Variants in AHI1 observed in about 807,000 individuals in gnomAD.
AHI1 encodes the protein Abelson helper integration site 1.
Under a neutral mutation model 149.3 loss-of-function variants are expected in AHI1, and 123 were observed. The observed-to-expected ratio is 0.82, with a 90% confidence interval of 0.71 to 0.96. The LOEUF (loss-of-function observed/expected upper bound fraction) is 0.96, where lower values mean the gene tolerates loss of function less well. Among genes scored for constraint, AHI1 ranks in the 40% least tolerant of loss-of-function variants. The pLI, the probability that AHI1 is intolerant of heterozygous loss-of-function variation, is 0.00. For missense variants in AHI1, 1,439 were observed against 1,422.7 expected (o/e 1.01, Z -0.18); for synonymous variants, 475 against 459.8 (o/e 1.03, Z -0.42).
At chr6:135,285,684 T>C (rs1162007689) in intron 28 of AHI1, 37 bp from the exon 29 acceptor site, 1 of 1,554,976 alleles carries the variant, frequency 6.4e-7, no homozygotes, top group Non-Finnish European at 8.8e-7. Flanking sequence ...CTAAATAAAC[T>C]TGAATAATGT....
At chr6:135,406,893 G>A (rs1175837090) in intron 21 of AHI1, among the ~76,000 whole-genome samples, 1 of 152,112 alleles carries the variant, frequency 6.6e-6, no homozygotes, top group African/African-American at 2.4e-5. Context: ...AGATACTACA[G>A]ATTCTGAGCA....
At position 135,302,058 on chromosome 6, in the gene AHI1, C is replaced by T. The variant is rs928608388; in HGVS notation, c.3427-1500G>A. Reference sequence around the variant, plus strand: ...TCAGGCTGGAGTACAGTGGCATGATCGTAGCTCACTGCAGCCTTGAACTCC... The same window carrying T: ...TCAGGCTGGAGTACAGTGGCATGATTGTAGCTCACTGCAGCCTTGAACTCC... On this transcript the variant is annotated intron_variant, in intron 26 of 28. Transcript: ENST00000265602. The T allele has an allele frequency of 4.5e-5, 43 of 965,022 alleles. No individual in the cohort carries two copies. In the South Asian group the frequency reaches 4.8e-4, roughly 11 times the overall value. The allele number at this position is 965,022 out of a possible 1,614,324, so 59.8% of individuals were successfully genotyped here.
chr6:135,447,087 T>G lies in AHI1; in HGVS notation c.1700A>C (p.His567Pro), dbSNP rs569064380. The change falls in exon 13 of 29, where the codon CAT becomes CCT. Residue 567 changes from histidine to proline, a missense_variant. Transcript: ENST00000265602. ...TTCTGTGTCTACTGAGCTTGACTCA[T>G]GGTGACGTTCACAATGCACTGGTTT... ...KGKPVHCERH[H>P]ESSSVDTEPG... is the part of the protein sequence containing the mutation. 1 of 1,604,566 alleles carries G rather than the reference T, an allele frequency of 6.2e-7. No homozygotes were observed. The highest frequency in any genetic ancestry group is 8.5e-7 in the Non-Finnish European group (1 of 1,174,462).
chr6:135,357,214 G>T (rs1204066290), intron 24 of AHI1, among the ~76,000 whole-genome samples: 1 of 152,238 alleles, frequency 6.6e-6, no homozygotes, highest in African/African-American at 2.4e-5. Context: ...TGGGATTACA[G>T]GCGTGAGCCA....
chr6:135,290,260 C>T (rs765186773), intron 28 of AHI1, among the ~76,000 whole-genome samples, 163 bp downstream of exon 28: 1 of 152,160 alleles, frequency 6.6e-6, no homozygotes, highest in African/African-American at 2.4e-5. Context: ...TCAAAACTAT[C>T]TTCTCCAAGG....
chr6:135,417,612 C>G (rs1782565851), intron 20 of AHI1, among the ~76,000 whole-genome samples: 1 of 151,878 alleles, frequency 6.6e-6, no homozygotes, highest in Non-Finnish European at 1.5e-5. Flanking sequence ...GCGGATAACA[C>G]AAATAAATAC....
chr6:135,320,454 A>C (rs1267985082), intron 25 of AHI1, among the ~76,000 whole-genome samples: 1 of 152,128 alleles, frequency 6.6e-6, no homozygotes, highest in Non-Finnish European at 1.5e-5. Flanking sequence ...ATTAGCTTTT[A>C]AAAAAAATTT....
At chr6:135,351,006 T>C (rs553045103) in intron 24 of AHI1, among the ~76,000 whole-genome samples, 17 of 152,266 alleles carry the variant, frequency 1.1e-4, no homozygotes, top group African/African-American at 3.1e-4. Context: ...AAGGTGATCA[T>C]ATATTTAGGG....
At chr6:135,334,847 C>T (rs1374324503) in intron 24 of AHI1, among the ~76,000 whole-genome samples, 3 of 152,174 alleles carry the variant, frequency 2.0e-5, no homozygotes, top group Non-Finnish European at 4.4e-5. Context: ...GCAGCAACAT[C>T]ACCTGGAAAC....
At chr6:135,442,395 G>A (rs1281902371) in intron 14 of AHI1, among the ~76,000 whole-genome samples, 187 bp downstream of exon 14, 2 of 151,826 alleles carry the variant, frequency 1.3e-5, no homozygotes, top group African/African-American at 4.8e-5. Flanking sequence ...TTCTACTTAC[G>A]AACAGTTACT....
chr6:135,289,203 G>T (rs928768593), intron 28 of AHI1, among the ~76,000 whole-genome samples: 4 of 151,014 alleles, frequency 2.6e-5, no homozygotes, highest in Non-Finnish European at 5.9e-5. Context: ...TTTGTTAAGG[G>T]TATTACTCCT....
rs547595418 is a variant in AHI1 at position 135,410,303 on chromosome 6, G to C, written c.2961+1045C>G. 1.5e-4 allele frequency among the ~76,000 whole-genome samples: 23 copies of C among 152,250 alleles called. No individual in the cohort carries two copies. In the South Asian group the frequency reaches 4.8e-3, roughly 32 times the overall value. Reference sequence around the variant, plus strand: ...GAGAATTGCTTGAGCCCAGGCGTTCGAGACTGCAGTGAGCAATGATCACAC... The same window carrying C: ...GAGAATTGCTTGAGCCCAGGCGTTCCAGACTGCAGTGAGCAATGATCACAC... On this transcript the variant is annotated intron_variant, in intron 21 of 28. Transcript: ENST00000265602.
chr6:135,320,574 A>G (rs542086593), intron 25 of AHI1, among the ~76,000 whole-genome samples: 65 of 152,320 alleles, frequency 4.3e-4, no homozygotes, highest in African/African-American at 1.3e-3. Context: ...TACAGGTATG[A>G]GCTGCTGCAT....
intron 14 of AHI1, 40 bp downstream of exon 14, chr6:135,442,542 T>C (rs1786471918): frequency 6.4e-7 from 1 of 1,556,084 alleles, no homozygotes; most frequent in Non-Finnish European, 8.7e-7. Context: ...GTCCTCCACG[T>C]GGACTACAAT....
At chr6:135,465,556 T>C (rs1261749623) in intron 7 of AHI1, among the ~76,000 whole-genome samples, 1 of 152,192 alleles carries the variant, frequency 6.6e-6, no homozygotes, top group East Asian at 1.9e-4. Context: ...GTTCTGTACT[T>C]CCATTTCCTC....
intron 26 of AHI1, among the ~76,000 whole-genome samples, chr6:135,312,869 G>A (rs1785407643): frequency 6.6e-6 from 1 of 152,094 alleles, no homozygotes; most frequent in Admixed American, 6.5e-5. Context: ...GAACTTAGAT[G>A]CCCCACAATT....
At chr6:135,303,580 G>A (rs1318220287) in intron 26 of AHI1, among the ~76,000 whole-genome samples, 2 of 151,680 alleles carry the variant, frequency 1.3e-5, no homozygotes, top group Non-Finnish European at 2.9e-5. Context: ...TTGAAAGTAG[G>A]TGAGGGTTCA....
intron 23 of AHI1, among the ~76,000 whole-genome samples, chr6:135,362,143 T>TAC (rs1245897745): frequency 2.0e-5 from 3 of 151,478 alleles, no homozygotes; most frequent in African/African-American, 7.4e-5. Flanking sequence ...TATATATATA[T>TAC]GTATAAAGAA....
At chr6:135,424,890 A>C (rs1371004770) in intron 20 of AHI1, among the ~76,000 whole-genome samples, 1 of 151,940 alleles carries the variant, frequency 6.6e-6, no homozygotes, top group African/African-American at 2.4e-5. Flanking sequence ...TAAAATATTT[A>C]TGTAAAGCCA....
Sources: gnomAD v4.1 joint callset for allele counts (sites outside exome capture counted in the v4.1 genomes callset) on GRCh38, gnomAD v4.1.1 for gene constraint, MANE v1.5 for transcripts, NCBI Gene and HGNC (gene_info 2026-07-23, HGNC 2026-07-21) for gene names.